Variants in BFAR observed in about 807,000 individuals in gnomAD.
BFAR encodes RING finger protein 47.
A neutral mutation model predicts 54.4 loss-of-function variants in BFAR; 52 were observed. The ratio of observed to expected loss-of-function variants is 0.96; its 90% confidence interval spans 0.77 to 1.21. The LOEUF (loss-of-function observed/expected upper bound fraction) is 1.21, where lower values mean the gene tolerates loss of function less well. Ranked by LOEUF, BFAR falls within the 50% of genes most tolerant of loss-of-function variation. The pLI is 0.00. For synonymous variants in BFAR, 215 were observed against 204.3 expected (o/e 1.05, Z -0.45); for missense variants, 571 against 534.0 (o/e 1.07, Z -0.68).
rs527592000 is a variant in BFAR at position 14,664,749 on chromosome 16, C to T, written c.958-120C>T. ...TCCTTACCTCAGGTGATCCGCCCAC[C>T]TAGGCCTCCCAAAGTGGTGGGATTA... is the stretch of plus-strand genomic sequence containing the variant. On this transcript the variant is annotated intron_variant, in intron 6 of 7. Transcript: ENST00000261658. The T allele has an allele frequency of 5.4e-6, 5 of 929,650 alleles. No individual in the cohort carries two copies. The East Asian group carries it at 9.6e-5, about 18-fold the overall frequency. 57.6% of individuals were successfully genotyped at this position (929,650 alleles called of 1,614,324 possible).
intron 1 of BFAR, among the ~76,000 whole-genome samples, chr16:14,638,546 G>A (rs1454111794): frequency 6.6e-6 from 1 of 152,190 alleles, no homozygotes; most frequent in Non-Finnish European, 1.5e-5. Context: ...GAACCAAGTG[G>A]TTTAAAAATT....
chr16:14,664,135 C>T (rs192200237), intron 6 of BFAR, among the ~76,000 whole-genome samples: 57 of 152,174 alleles, frequency 3.7e-4, no homozygotes, highest in Non-Finnish European at 7.2e-4. Flanking sequence ...CCCAGAAGCA[C>T]TGTCTGTGTC....
chr16:14,656,940 T>TA (rs1332114489), intron 5 of BFAR, among the ~76,000 whole-genome samples: 3 of 151,890 alleles, frequency 2.0e-5, no homozygotes, highest in African/African-American at 7.2e-5. Context: ...CCATCTCTAC[T>TA]AAAAACACAA....
Position 14,660,205 on chromosome 16 carries a change from T to A in BFAR, c.784-1687T>A, listed in dbSNP as rs1038433877. Among the ~76,000 whole-genome samples the A allele has an allele frequency of 1.5e-4, 23 of 151,360 alleles. 2 individuals carry two copies. ...ATTTGCATTTCTCATTTAATTCACA[T>A]TCACATGCTTATTTGCCATCCTTAT... On this transcript the variant is annotated intron_variant, in intron 5 of 7. Transcript: ENST00000261658.
Position 14,657,078 on chromosome 16 carries a change from G to A in BFAR, c.783+1868G>A, listed in dbSNP as rs1960149184. On this transcript the variant is annotated intron_variant, in intron 5 of 7. Transcript: ENST00000261658. ...AGATGGTGCCACTGCACTCCAGCCT[G>A]GGTGACAGAGTGAGACACTGTCTCA... Among the ~76,000 whole-genome samples, 4 of 151,864 alleles carry A rather than the reference G, an allele frequency of 2.6e-5. No homozygotes were observed. The South Asian group carries it at 6.2e-4, about 24-fold the overall frequency.
At chr16:14,641,147 A>C (rs1288043139) in intron 1 of BFAR, among the ~76,000 whole-genome samples, 1 of 152,230 alleles carries the variant, frequency 6.6e-6, no homozygotes, top group Non-Finnish European at 1.5e-5. Context: ...AGATCAACTA[A>C]ACTTGGTAAA....
intron 1 of BFAR, among the ~76,000 whole-genome samples, chr16:14,633,791 T>C (rs1465420996): frequency 1.3e-5 from 2 of 152,130 alleles, no homozygotes; most frequent in Admixed American, 6.6e-5. Context: ...TAGCTGGGAT[T>C]ACGGGCCCGC....
At chr16:14,640,755 T>C (rs1467853645) in intron 1 of BFAR, among the ~76,000 whole-genome samples, 3 of 152,198 alleles carry the variant, frequency 2.0e-5, no homozygotes, top group African/African-American at 7.2e-5. Flanking sequence ...ATTAACACCC[T>C]CTTATCCCAG....
intron 1 of BFAR, among the ~76,000 whole-genome samples, chr16:14,640,270 C>A (rs1959581164): frequency 6.6e-6 from 1 of 152,080 alleles, no homozygotes; most frequent in African/African-American, 2.4e-5. Flanking sequence ...CATTAGTACA[C>A]TTGGAAGAAG....
At chr16:14,659,981 T>C (rs1960244929) in intron 5 of BFAR, among the ~76,000 whole-genome samples, 1 of 152,222 alleles carries the variant, frequency 6.6e-6, no homozygotes. Flanking sequence ...TTTATTGAGG[T>C]AAAATTGATA....
chr16:14,657,567 CAG>C (rs1273915275), intron 5 of BFAR, among the ~76,000 whole-genome samples: 1 of 149,804 alleles, frequency 6.7e-6, no homozygotes, highest in East Asian at 2.0e-4. Context: ...TTTTTTGAGA[CAG>C]AGTCTCACTG....
At chr16:14,649,730 A>G in intron 3 of BFAR, 74 bp from the exon 4 acceptor site, 2 of 1,360,456 alleles carry the variant, frequency 1.5e-6, no homozygotes, top group Non-Finnish European at 2.0e-6. Context: ...TCCTTTCCCC[A>G]CCTCCCACCC....
chr16:14,639,834 A>G (rs974209269), intron 1 of BFAR, among the ~76,000 whole-genome samples: 1 of 152,202 alleles, frequency 6.6e-6, no homozygotes, highest in African/African-American at 2.4e-5. Context: ...GCCAACAATG[A>G]TAAGTAACGA....
In BFAR at chr16:14,648,546, G is replaced by T; in HGVS notation, c.422G>T (p.Gly141Val). ...ACAGGCCGAGCGAATCAGCAGATGG[G>T]AGGGGGATTCTTTTCCGGTGTGCTC... Reference protein sequence around the residue: ...PNTGRANQQMGGGFFSGVLTA... With the variant: ...PNTGRANQQMVGGFFSGVLTA... The change falls in exon 3 of 8, where the codon GGA becomes GTA. Residue 141 changes from glycine to valine, a missense_variant. Gly to Val is a moderately radical substitution (Grantham distance 109). Transcript: ENST00000261658. The T allele has an allele frequency of 2.5e-6, 4 of 1,614,058 alleles. No homozygotes were observed. The highest frequency in any genetic ancestry group is 2.5e-6 in the Non-Finnish European group (3 of 1,179,992).
intron 7 of BFAR, chr16:14,665,284 C>T: frequency 1.8e-6 from 1 of 559,600 alleles, no homozygotes; most frequent in South Asian, 2.2e-5. Context: ...AAAGTATTTT[C>T]CTATATGTCT....
rs1235937862 is a variant in BFAR at position 14,669,222 on chromosome 16, T to C, written c.*1395T>C. On this transcript the variant is annotated 3_prime_UTR_variant, in exon 8 of 8. Transcript: ENST00000261658. ...CTTGAAATAAAAATAAAGATTTCTATATAGATAAAACCTATATGTAGAGAA... is the reference window on the plus strand; with the variant it reads ...CTTGAAATAAAAATAAAGATTTCTACATAGATAAAACCTATATGTAGAGAA... 1 of 300,992 alleles carries C rather than the reference T, an allele frequency of 3.3e-6. No homozygotes were observed. The highest frequency in any genetic ancestry group is 8.1e-5 in the East Asian group (1 of 12,304). 18.6% of individuals were successfully genotyped at this position (300,992 alleles called of 1,614,324 possible).
chr16:14,638,796 T>G (rs1345858232), intron 1 of BFAR, among the ~76,000 whole-genome samples: 1 of 151,980 alleles, frequency 6.6e-6, no homozygotes, highest in East Asian at 1.9e-4. Flanking sequence ...AATACAAAAA[T>G]TAGCCAGGCA....
chr16:14,648,524 G>A lies in BFAR; in HGVS notation c.400G>A (p.Gly134Ser), dbSNP rs1055705093. ...TCAGATTCCTTTAGCTCCTAACACAGGCCGAGCGAATCAGCAGATGGGAGG... is the reference window on the plus strand; with the variant it reads ...TCAGATTCCTTTAGCTCCTAACACAAGCCGAGCGAATCAGCAGATGGGAGG... ...NDQIPLAPNT[G>S]RANQQMGGGF... Residue 134 changes from glycine (G) to serine (S), a missense_variant, in exon 3 of 8, where the codon GGC (glycine) becomes AGC (serine). Transcript: ENST00000261658. The A allele has an allele frequency of 1.9e-6, 3 of 1,614,038 alleles. No individual in the cohort carries two copies. The highest frequency in any genetic ancestry group is 3.3e-5 in the Admixed American group (2 of 59,990).
In BFAR at chr16:14,664,975, A is replaced by G. The variant is rs1255780959; in HGVS notation, c.1064A>G (p.His355Arg). The G allele has an allele frequency of 6.2e-7, 1 of 1,613,916 alleles. No individual in the cohort carries two copies. The highest frequency in any genetic ancestry group is 1.7e-5 in the Admixed American group (1 of 60,014). The change falls in exon 7 of 8, where the codon CAT becomes CGT. Residue 355 changes from histidine to arginine, a missense_variant. Physicochemically the swap from His to Arg is conservative, Grantham distance 29. Transcript: ENST00000261658. ...TTTGCTTGGGACTGGTTGGAGGTCC[A>G]TTACTGGACATCACGGTTTCTCATC... is the stretch of plus-strand genomic sequence containing the variant. The part of the protein sequence containing the change: ...AEFAWDWLEV[H>R]YWTSRFLIIN...
Sources: allele counts gnomAD v4.1 joint callset (sites outside exome capture counted in the v4.1 genomes callset), GRCh38; gene constraint gnomAD v4.1.1; transcripts MANE v1.5; gene names NCBI Gene and HGNC (gene_info 2026-07-23, HGNC 2026-07-21).